OTC: variants seen among roughly 807,000 people sequenced by gnomAD.
OTC encodes the protein ornithine transcarbamylase, mitochondrial.
OTC carries 3 observed loss-of-function variants against 30.3 expected under a neutral mutation model. The ratio of observed to expected loss-of-function variants is 0.10; its 90% CI spans 0.05 to 0.26. The LOEUF (loss-of-function observed/expected upper bound fraction) is 0.26, where lower values mean the gene tolerates loss of function less well. Among genes scored for constraint, OTC ranks in the 10% least tolerant of loss-of-function variants. OTC has a pLI of 1.00. For synonymous variants in OTC, 111 were observed against 99.7 expected (o/e 1.11, Z -0.67); for missense variants, 194 against 260.3 (o/e 0.75, Z 1.75).
At chrX:38,337,026 A>G in the OTC span, among the ~76,000 whole-genome samples, 1 of 110,880 alleles carries the variant, frequency 9.0e-6, no homozygotes, top group African/African-American at 3.3e-5. Flanking sequence ...CCATTTCCTG[A>G]TCGTTGGAAA....
chrX:38,397,125 G>A (rs755092424), intron 4 of OTC, among the ~76,000 whole-genome samples: 4 of 111,765 alleles, frequency 3.6e-5, no homozygotes, highest in African/African-American at 1.3e-4. Flanking sequence ...TCCTACTTAT[G>A]TAAGTAAATA....
the OTC span, among the ~76,000 whole-genome samples, chrX:38,345,690 G>A: frequency 0.019 from 2,140 of 109,964 alleles, 56 homozygotes; most frequent in African/African-American, 0.067. Flanking sequence ...ACAGGTATGT[G>A]CCACAACACC....
chrX:38,364,150 T>C (rs1222925943), intron 1 of OTC, among the ~76,000 whole-genome samples: 1 of 111,585 alleles, frequency 9.0e-6, no homozygotes, highest in Non-Finnish European at 1.9e-5. Context: ...TAAATAAATA[T>C]AATAAAATAT....
intron 3 of OTC, among the ~76,000 whole-genome samples, chrX:38,371,314 A>G (rs2068321821): frequency 9.0e-6 from 1 of 111,185 alleles, no homozygotes. Flanking sequence ...TGCAGTTTCA[A>G]AATGGACACT....
intron 3 of OTC, among the ~76,000 whole-genome samples, chrX:38,378,067 C>G (rs2147328916): frequency 9.3e-6 from 1 of 107,464 alleles, no homozygotes; most frequent in South Asian, 4.3e-4. Flanking sequence ...AACTCCTGAC[C>G]TCAGGTGATC....
intron 9 of OTC, among the ~76,000 whole-genome samples, chrX:38,414,329 T>C (rs1346050318): frequency 8.9e-6 from 1 of 112,232 alleles, no homozygotes; most frequent in Non-Finnish European, 1.9e-5. Context: ...ATACGTAATG[T>C]ATTCACATGG....
chrX:38,413,675 T>TG (rs1488707658), intron 9 of OTC, among the ~76,000 whole-genome samples: 85 of 99,662 alleles, frequency 8.5e-4, no homozygotes, highest in East Asian at 7.3e-3. Flanking sequence ...ATTTTTTTTT[T>TG]TTGTTTTTTT....
chrX:38,413,409 C>T (rs1220829589), intron 9 of OTC, among the ~76,000 whole-genome samples: 2 of 111,335 alleles, frequency 1.8e-5, no homozygotes, highest in South Asian at 7.6e-4. Context: ...GGCAGCCAAC[C>T]GTGACTCCCT....
intron 4 of OTC, among the ~76,000 whole-genome samples, chrX:38,388,789 T>C (rs1209122703): frequency 1.8e-5 from 2 of 112,421 alleles, no homozygotes; most frequent in South Asian, 3.7e-4. Context: ...TCCCTATAGA[T>C]GTAATTTACT....
upstream of OTC, among the ~76,000 whole-genome samples, chrX:38,351,280 T>C (rs1438960490): frequency 8.9e-6 from 1 of 112,064 alleles, no homozygotes; most frequent in East Asian, 2.8e-4. Flanking sequence ...GGTCTTTAAA[T>C]AACACTTTTT....
At chrX:38,329,317 A>C in the OTC span, among the ~76,000 whole-genome samples, 2 of 111,458 alleles carry the variant, frequency 1.8e-5, no homozygotes, top group Non-Finnish European at 3.8e-5. Context: ...ATCAAATTGG[A>C]GGTGCTGAGC....
intron 1 of OTC, among the ~76,000 whole-genome samples, chrX:38,357,595 C>T: frequency 8.9e-6 from 1 of 112,404 alleles, no homozygotes; most frequent in Middle Eastern, 4.6e-3. Flanking sequence ...AGCACTTTCT[C>T]TTCCAATAAA....
At chrX:38,365,788 A>G (rs2068292811) in intron 1 of OTC, among the ~76,000 whole-genome samples, 1 of 111,984 alleles carries the variant, frequency 8.9e-6, no homozygotes, top group East Asian at 2.8e-4. Flanking sequence ...ACCAGGATGG[A>G]CCTGACACTT....
chrX:38,352,228 G>T (rs765960808), upstream of OTC, among the ~76,000 whole-genome samples: 8 of 111,785 alleles, frequency 7.2e-5, no homozygotes, highest in Non-Finnish European at 1.1e-4. Flanking sequence ...GTAGAAAAGT[G>T]AAATAAATGG....
rs779180100 is a variant in OTC at position 38,421,319 on chromosome X, A to G, written c.*237A>G. The stretch of plus-strand genomic sequence containing the variant: ...CTCTAATTCCCAATTTCTGAGTTAC[A>G]TTTAGATATCATATTAATTATCATA... On this transcript the variant is annotated 3_prime_UTR_variant, in exon 10 of 10. Coordinates refer to ENST00000039007, the MANE Select transcript of OTC (RefSeq NM_000531.6). 1.0e-4 allele frequency: 38 copies of G among 374,208 alleles called. No individual in the cohort carries two copies. In the Admixed American group the frequency reaches 1.7e-3, roughly 17 times the overall value. The allele number at this position is 374,208 out of a possible 1,213,427, so 30.8% of individuals were successfully genotyped here. A position where few individuals can be genotyped will look rare whatever the true frequency, so the allele number is the denominator to read the frequency against.
chrX:38,367,301 C>T lies in OTC; in HGVS notation c.88C>T (p.Pro30Ser), dbSNP rs763877023. The change falls in exon 2 of 10, where the codon CCA becomes TCA. Residue 30 changes from proline to serine, a missense_variant. Coordinates refer to ENST00000039007, the MANE Select transcript of OTC (RefSeq NM_000531.6). ...AATCTCTTTTTACAGGTGTGGACAA[C>T]CACTACAAAATAAAGTGCAGCTGAA... ...FMVRNFRCGQ[P>S]LQNKVQLKGR... 19 of 1,205,904 alleles carry T rather than the reference C, an allele frequency of 1.6e-5. No individual in the cohort carries two copies. In the East Asian group the frequency reaches 5.6e-4, roughly 36 times the overall value.
At chrX:38,384,644 G>A (rs1449897687) in intron 4 of OTC, among the ~76,000 whole-genome samples, 1 of 111,669 alleles carries the variant, frequency 9.0e-6, no homozygotes, top group African/African-American at 3.3e-5. Context: ...TGACATTGCT[G>A]GCCCTTTCAA....
At chrX:38,355,466 T>C (rs2068235999) in intron 1 of OTC, among the ~76,000 whole-genome samples, 1 of 112,425 alleles carries the variant, frequency 8.9e-6, no homozygotes, top group African/African-American at 3.2e-5. Context: ...ATCTCACAAA[T>C]AGAAATTTCT....
intron 5 of OTC, among the ~76,000 whole-genome samples, chrX:38,403,411 T>C (rs1346863364): frequency 1.9e-5 from 2 of 103,526 alleles, no homozygotes; most frequent in Admixed American, 2.1e-4. Context: ...GGTGTCTTGG[T>C]TTAAGATATT....
Sources: allele counts gnomAD v4.1 joint callset (sites outside exome capture counted in the v4.1 genomes callset), GRCh38; gene constraint gnomAD v4.1.1; transcripts MANE v1.5; gene names NCBI Gene and HGNC (gene_info 2026-07-23, HGNC 2026-07-21).